Variants in DKK2 observed in about 807,000 individuals in gnomAD.
The protein encoded by DKK2 is dickkopf Wnt signaling pathway inhibitor 2, also known as dickkopf-related protein 2.
DKK2 carries 11 observed loss-of-function variants against 28.1 expected under a neutral mutation model. The observed-to-expected ratio is 0.39, with a 90% CI of 0.25 to 0.65. The LOEUF (loss-of-function observed/expected upper bound fraction) is 0.65. Ranked by LOEUF, DKK2 falls within the 30% of genes least tolerant of loss-of-function variation. DKK2 has a pLI of 0.47. For missense variants in DKK2, 326 were observed against 335.5 expected (o/e 0.97, Z 0.22); for synonymous variants, 135 against 126.5 (o/e 1.07, Z -0.45).
At chr4:107,029,163 A>G (rs1723838397) in intron 1 of DKK2, among the ~76,000 whole-genome samples, 1 of 152,152 alleles carries the variant, frequency 6.6e-6, no homozygotes, top group Non-Finnish European at 1.5e-5. Context: ...TGTGACTTTT[A>G]ATGAAATTGG....
intron 1 of DKK2, among the ~76,000 whole-genome samples, chr4:106,928,558 T>A (rs968970241): frequency 6.6e-6 from 1 of 152,132 alleles, no homozygotes; most frequent in Non-Finnish European, 1.5e-5. Context: ...TCTTTATATA[T>A]GAATACAATC....
intron 1 of DKK2, among the ~76,000 whole-genome samples, chr4:107,006,107 C>T (rs919406548): frequency 2.0e-5 from 3 of 151,882 alleles, no homozygotes; most frequent in Admixed American, 1.3e-4. Context: ...AACTAAAAAC[C>T]AAAGGTCTAG....
intron 1 of DKK2, among the ~76,000 whole-genome samples, chr4:107,006,881 C>T (rs1394752898): frequency 6.6e-6 from 1 of 152,140 alleles, no homozygotes; most frequent in Non-Finnish European, 1.5e-5. Flanking sequence ...GAAATCTTAA[C>T]CTACCTTATT....
intron 1 of DKK2, among the ~76,000 whole-genome samples, chr4:106,956,580 C>A (rs527448898): frequency 6.6e-6 from 1 of 152,090 alleles, no homozygotes; most frequent in Non-Finnish European, 1.5e-5. Context: ...CAGAACAGAG[C>A]CCTCAGAAAT....
chr4:106,925,697 A>T, intron 2 of DKK2, 102 bp downstream of exon 2: 1 of 1,437,338 alleles, frequency 7.0e-7, no homozygotes, highest in Non-Finnish European at 9.3e-7. Flanking sequence ...CAGGCTTCTT[A>T]TATTTCAGGA....
At chr4:106,963,985 G>A (rs1034659233) in intron 1 of DKK2, among the ~76,000 whole-genome samples, 10 of 152,038 alleles carry the variant, frequency 6.6e-5, no homozygotes, top group Non-Finnish European at 7.4e-5. Flanking sequence ...GTAAATGCCT[G>A]GATTTATTCC....
intron 1 of DKK2, among the ~76,000 whole-genome samples, chr4:106,941,233 C>A (rs546416057): frequency 1.3e-5 from 2 of 152,074 alleles, no homozygotes; most frequent in South Asian, 4.2e-4. Flanking sequence ...AGAAAATAAA[C>A]AGTAAGTCTG....
chr4:107,015,372 G>A (rs1339451789), intron 1 of DKK2, among the ~76,000 whole-genome samples: 2 of 151,408 alleles, frequency 1.3e-5, no homozygotes, highest in Admixed American at 6.6e-5. Context: ...GCCTCTCCAT[G>A]TATTTTACCC....
At chr4:107,035,162 C>T (rs1459449983) in intron 1 of DKK2, among the ~76,000 whole-genome samples, 1 of 152,140 alleles carries the variant, frequency 6.6e-6, no homozygotes, top group East Asian at 1.9e-4. Context: ...AGAATCCTAA[C>T]CCTTTGACTC....
chr4:106,998,468 A>T (rs747579810), intron 1 of DKK2, among the ~76,000 whole-genome samples: 14 of 152,224 alleles, frequency 9.2e-5, no homozygotes, highest in Non-Finnish European at 1.3e-4. Context: ...CTTCCAGAAC[A>T]ATCTCTGAAA....
At chr4:106,954,594 T>C (rs1278078239) in intron 1 of DKK2, among the ~76,000 whole-genome samples, 1 of 152,194 alleles carries the variant, frequency 6.6e-6, no homozygotes, top group East Asian at 1.9e-4. Context: ...TGATCTCGGC[T>C]CACTGCAACT....
Position 106,938,541 on chromosome 4 carries a change from A to T in DKK2, c.223-12592T>A, listed in dbSNP as rs548194559. 5.9e-5 allele frequency among the ~76,000 whole-genome samples: 9 copies of T among 151,852 alleles called. No individual in the cohort carries two copies. The South Asian group carries it at 1.9e-3, about 32-fold the overall frequency. ...TCACAGCCGAATTCTACCAGAGGTA[A>T]AAGGAGGAAATTCCTTCTGAAACTA... On this transcript the variant is annotated intron_variant, in intron 1 of 3. Transcript: ENST00000285311.
intron 1 of DKK2, among the ~76,000 whole-genome samples, chr4:107,022,735 A>G (rs1017957682): frequency 6.6e-6 from 1 of 152,152 alleles, no homozygotes; most frequent in African/African-American, 2.4e-5. Flanking sequence ...TCTATTGAGA[A>G]ATAACAATGG....
chr4:106,960,680 C>T (rs958914096), intron 1 of DKK2, among the ~76,000 whole-genome samples: 3 of 152,118 alleles, frequency 2.0e-5, no homozygotes, highest in African/African-American at 7.2e-5. Context: ...GACACACTGC[C>T]TGAAATTTCA....
chr4:106,978,924 C>A (rs769771552), intron 1 of DKK2, among the ~76,000 whole-genome samples: 1 of 152,126 alleles, frequency 6.6e-6, no homozygotes, highest in Non-Finnish European at 1.5e-5. Flanking sequence ...CTACGGGTTG[C>A]GAAGACTGTG....
intron 1 of DKK2, among the ~76,000 whole-genome samples, chr4:107,022,871 G>A (rs1723716970): frequency 6.6e-6 from 1 of 152,048 alleles, no homozygotes; most frequent in Non-Finnish European, 1.5e-5. Context: ...AAAGCAGGAA[G>A]CCTAGATTGT....
chr4:106,938,601 A>C (rs1042440264), intron 1 of DKK2, among the ~76,000 whole-genome samples: 8 of 152,190 alleles, frequency 5.3e-5, no homozygotes, highest in Admixed American at 2.6e-4. Context: ...ATCCTCCCTA[A>C]CTCTTTTTAT....
chr4:106,955,430 G>C (rs1261247849), intron 1 of DKK2, among the ~76,000 whole-genome samples: 2 of 152,120 alleles, frequency 1.3e-5, no homozygotes, highest in Non-Finnish European at 2.9e-5. Flanking sequence ...GGGCATTGTA[G>C]GATTGGCAGA....
chr4:106,929,984 C>A (rs2110340007), intron 1 of DKK2, among the ~76,000 whole-genome samples: 1 of 152,164 alleles, frequency 6.6e-6, no homozygotes, highest in East Asian at 1.9e-4. Context: ...GAGTGGTGAC[C>A]TATGTGCTGA....
Sources: gnomAD v4.1 joint callset for allele counts (sites outside exome capture counted in the v4.1 genomes callset) on GRCh38, gnomAD v4.1.1 for gene constraint, MANE v1.5 for transcripts, NCBI Gene and HGNC (gene_info 2026-07-23, HGNC 2026-07-21) for gene names.